AFF2: variants seen among roughly 807,000 people sequenced by gnomAD.
AFF2 encodes the protein AF4/FMR2 family member 2.
A neutral mutation model predicts 76.9 loss-of-function variants in AFF2; 14 were observed. The observed-to-expected ratio is 0.18, with a 90% CI of 0.12 to 0.28. The LOEUF is 0.28. Among genes scored for constraint, AFF2 ranks in the 10% least tolerant of loss-of-function variants. The pLI, the probability that AFF2 is intolerant of heterozygous loss-of-function variation, is 1.00. For missense variants in AFF2, 868 were observed against 1,001.1 expected (o/e 0.87, Z 1.79); for synonymous variants, 398 against 366.7 (o/e 1.09, Z -0.98).
chrX:148,686,576 C>T (rs5980575), intron 3 of AFF2, among the ~76,000 whole-genome samples: 5,130 of 111,453 alleles, frequency 0.046, 308 homozygotes, highest in African/African-American at 0.16. Context: ...CAAGTGACTT[C>T]GCCTCTTTCA....
At chrX:148,875,228 A>G (rs2071022813) in intron 7 of AFF2, among the ~76,000 whole-genome samples, 1 of 112,361 alleles carries the variant, frequency 8.9e-6, no homozygotes, top group African/African-American at 3.2e-5. Context: ...CATTTTGTTA[A>G]AACAATACTA....
Position 148,916,736 on chromosome X carries a change from C to A in AFF2, c.1397+12478C>A, listed in dbSNP as rs2071537657. Among the ~76,000 whole-genome samples the A allele has an allele frequency of 1.8e-5, 2 of 111,523 alleles. 1 individual carries two copies. Among genetic ancestry groups the A allele is most frequent in the South Asian group, 7.7e-4 (2 of 2,606 alleles). ...AACCTATACACGCTCACTCTCTTTA[C>A]CCTACTTTATTTTTTCTCTTAAGTA... On this transcript the variant is annotated intron_variant, in intron 9 of 20. Coordinates refer to ENST00000370460, the MANE Select transcript of AFF2 (RefSeq NM_002025.4).
intron 4 of AFF2, among the ~76,000 whole-genome samples, chrX:148,825,969 G>C (rs868930016): frequency 1.1e-4 from 12 of 109,498 alleles, no homozygotes; most frequent in South Asian, 8.1e-4. Flanking sequence ...TGTTGCGGGT[G>C]GGGTAGAGTT....
At chrX:148,811,469 C>T (rs927969752) in intron 4 of AFF2, among the ~76,000 whole-genome samples, 4 of 111,783 alleles carry the variant, frequency 3.6e-5, no homozygotes, top group African/African-American at 1.3e-4. Context: ...GGAACTCAGG[C>T]CTTTCCCATT....
Position 148,987,566 on chromosome X carries a change from A to G in AFF2, c.3814+9A>G, listed in dbSNP as rs2072487657. The stretch of plus-strand genomic sequence containing the variant: ...GACAAGAGAAAACAAAGGTATGCTC[A>G]TCTGTTCTACCCATATAGCTCACAG... On this transcript the variant is annotated intron_variant, in intron 20 of 20. Transcript: ENST00000370460. 8.3e-7 allele frequency: 1 copy of G among 1,200,987 alleles called. No homozygotes were observed. Among genetic ancestry groups the G allele is most frequent in the Non-Finnish European group, 1.1e-6 (1 of 887,269 alleles).
chrX:148,945,373 G>A (rs2071888517), intron 9 of AFF2, among the ~76,000 whole-genome samples: 1 of 112,329 alleles, frequency 8.9e-6, no homozygotes, highest in African/African-American at 3.2e-5. Context: ...GTTGCTAAAG[G>A]AGGACAGAAT....
In AFF2 at chrX:148,993,671, A is replaced by G. The variant is rs1257022870; in HGVS notation, c.*2339A>G. 8.9e-6 allele frequency: 1 copy of G among 112,167 alleles called. No homozygotes were observed. Among genetic ancestry groups the G allele is most frequent in the East Asian group, 2.8e-4 (1 of 3,579 alleles). The allele number at this position is 112,167 out of a possible 1,213,427, so 9.2% of individuals were successfully genotyped here. On this transcript the variant is annotated 3_prime_UTR_variant, in exon 21 of 21. Transcript: ENST00000370460. ...AGTGACTTGTTATATCTACTTACAT[A>G]CAACAGGGAGGCAAGAGGATTCTCT...
chrX:148,709,651 T>G (rs2054937132), intron 3 of AFF2, among the ~76,000 whole-genome samples: 1 of 112,207 alleles, frequency 8.9e-6, no homozygotes, highest in Non-Finnish European at 1.9e-5. Context: ...CTGTTTGAAT[T>G]GTGAGATACA....
At chrX:148,591,225 T>C (rs1394995583) in intron 1 of AFF2, among the ~76,000 whole-genome samples, 1 of 111,978 alleles carries the variant, frequency 8.9e-6, no homozygotes, top group East Asian at 2.8e-4. Context: ...AATAGGGCCA[T>C]AGGTCATCAT....
chrX:148,567,057 G>A (rs1040739184), intron 1 of AFF2, among the ~76,000 whole-genome samples: 4 of 111,891 alleles, frequency 3.6e-5, no homozygotes, highest in African/African-American at 1.3e-4. Flanking sequence ...CACCTTACCT[G>A]CGGTGCTTAA....
Position 148,616,842 on chromosome X carries a change from C to T in AFF2, c.48-35157C>T, listed in dbSNP as rs782411786. 4.0e-4 allele frequency among the ~76,000 whole-genome samples: 44 copies of T among 108,663 alleles called. No homozygotes were observed. The South Asian group carries it at 4.1e-3, about 10-fold the overall frequency. 94.4% of individuals were successfully genotyped at this position (108,663 alleles called of 115,157 possible). A position where few individuals can be genotyped will look rare whatever the true frequency, so the allele number is the denominator to read the frequency against. Reference sequence around the variant, plus strand: ...TGCGGTGTTTGGTTTTTTGTCCTTGCGACAGTTTGCTGAGAATGATGGTTT... The same window carrying T: ...TGCGGTGTTTGGTTTTTTGTCCTTGTGACAGTTTGCTGAGAATGATGGTTT... On this transcript the variant is annotated intron_variant, in intron 1 of 20. Coordinates refer to ENST00000370460, the MANE Select transcript of AFF2 (RefSeq NM_002025.4).
chrX:148,800,720 C>T (rs2070046479), intron 3 of AFF2, among the ~76,000 whole-genome samples: 1 of 110,550 alleles, frequency 9.0e-6, no homozygotes, highest in African/African-American at 3.3e-5. Flanking sequence ...CTTTTTTTTT[C>T]CCATGAGGAA....
intron 8 of AFF2, among the ~76,000 whole-genome samples, chrX:148,888,019 T>C (rs950323602): frequency 8.0e-5 from 9 of 112,141 alleles, no homozygotes; most frequent in Non-Finnish European, 1.7e-4. Flanking sequence ...GTTGAAATAA[T>C]TTTCTTTTTT....
At chrX:148,579,298 T>A (rs1231891517) in intron 1 of AFF2, among the ~76,000 whole-genome samples, 1 of 112,046 alleles carries the variant, frequency 8.9e-6, no homozygotes, top group Non-Finnish European at 1.9e-5. Flanking sequence ...GCCTCCGTAT[T>A]TGTTACCAGA....
intron 1 of AFF2, among the ~76,000 whole-genome samples, chrX:148,558,346 G>A (rs782371746): frequency 1.5e-4 from 17 of 111,515 alleles, no homozygotes; most frequent in Admixed American, 5.7e-4. Context: ...AATCAATGAG[G>A]TTATGAGCTC....
chrX:148,836,590 C>CT lies in AFF2; in HGVS notation c.1087-1048dup, dbSNP rs199966733. 6.1e-3 allele frequency among the ~76,000 whole-genome samples: 675 copies of CT among 109,760 alleles called. 5 individuals carry two copies. The highest frequency in any genetic ancestry group is 0.021 in the African/African-American group (637 of 30,246). ...AATCCCTACTTTATTTCTATCATGA[C>CT]TTTTTTTTTAATGCTTAATGGTTCT... On this transcript the variant is annotated intron_variant, in intron 4 of 20. Coordinates refer to ENST00000370460, the MANE Select transcript of AFF2 (RefSeq NM_002025.4).
chrX:148,948,231 A>T (rs2071923463), intron 9 of AFF2, among the ~76,000 whole-genome samples: 1 of 112,385 alleles, frequency 8.9e-6, no homozygotes, highest in Non-Finnish European at 1.9e-5. Context: ...AAAATAGCCT[A>T]CAGAAGTGCA....
chrX:148,569,607 A>C (rs191862029), intron 1 of AFF2, among the ~76,000 whole-genome samples: 1 of 111,248 alleles, frequency 9.0e-6, no homozygotes, highest in Non-Finnish European at 1.9e-5. Context: ...GAGATTTGCT[A>C]TGTTAGAACC....
At chrX:148,554,805 G>A (rs1557239443) in intron 1 of AFF2, among the ~76,000 whole-genome samples, 1 of 112,031 alleles carries the variant, frequency 8.9e-6, no homozygotes, top group Non-Finnish European at 1.9e-5. Flanking sequence ...GGCCAGAACC[G>A]GGTCTGGCAC....
Sources: gnomAD v4.1 joint callset for allele counts (sites outside exome capture counted in the v4.1 genomes callset) on GRCh38, gnomAD v4.1.1 for gene constraint, MANE v1.5 for transcripts, NCBI Gene and HGNC (gene_info 2026-07-23, HGNC 2026-07-21) for gene names.